TBCK: variants seen among roughly 807,000 people sequenced by gnomAD.
TBCK encodes TBC domain-containing protein kinase-like protein.
A neutral mutation model predicts 113.4 loss-of-function variants in TBCK; 99 were observed. The observed-to-expected ratio is 0.87, with a 90% CI of 0.74 to 1.03. The LOEUF is 1.03. TBCK is among the 50% of genes least tolerant of loss of function. The pLI is 0.00. For synonymous variants in TBCK, 369 were observed against 370.8 expected, an observed-to-expected ratio of 1.00 and a Z score of 0.05; for missense variants, 1,045 against 1,061.3, an observed-to-expected ratio of 0.98 and a Z score of 0.21.
intron 24 of TBCK, among the ~76,000 whole-genome samples, chr4:106,095,882 C>T (rs550714067): frequency 1.3e-5 from 2 of 152,258 alleles, no homozygotes; most frequent in Admixed American, 1.3e-4. Context: ...ACATCAAAAG[C>T]ATCTCTCATT....
chr4:106,260,911 C>T (rs1029430828), intron 4 of TBCK, among the ~76,000 whole-genome samples: 3 of 151,760 alleles, frequency 2.0e-5, no homozygotes, highest in Admixed American at 6.6e-5. Flanking sequence ...GTTGAAAGTC[C>T]ATTTATAGTT....
intron 20 of TBCK, among the ~76,000 whole-genome samples, chr4:106,204,750 G>GTTTTTTT (rs1755258552): frequency 8.6e-6 from 1 of 115,616 alleles, no homozygotes; most frequent in Non-Finnish European, 1.9e-5. Flanking sequence ...GACAAACAAT[G>GTTTTTTT]ATTTTTTTTT....
chr4:106,227,217 T>A (rs1021482927), intron 19 of TBCK, among the ~76,000 whole-genome samples: 2 of 151,882 alleles, frequency 1.3e-5, no homozygotes, highest in African/African-American at 4.8e-5. Flanking sequence ...AATGGATCAT[T>A]ATTTCCATTT....
chr4:106,111,926 G>A (rs2149556945), intron 24 of TBCK, among the ~76,000 whole-genome samples: 1 of 152,160 alleles, frequency 6.6e-6, no homozygotes, highest in Admixed American at 6.5e-5. Context: ...ATCTTAAAAG[G>A]CAATGCTGCC....
chr4:106,309,733 A>G (rs551510055), intron 1 of TBCK, among the ~76,000 whole-genome samples: 1 of 152,320 alleles, frequency 6.6e-6, no homozygotes, highest in South Asian at 2.1e-4. Flanking sequence ...GGACCTTATT[A>G]ATAGTAGTAA....
At chr4:106,222,952 T>C (rs557808324) in intron 19 of TBCK, among the ~76,000 whole-genome samples, 1 of 152,246 alleles carries the variant, frequency 6.6e-6, no homozygotes, top group East Asian at 1.9e-4. Context: ...CCTTCTCACA[T>C]ATCTTGCTCT....
chr4:106,242,556 C>T lies in TBCK; in HGVS notation c.1084G>A (p.Asp362Asn). 1 of 1,599,548 alleles carries T rather than the reference C, an allele frequency of 6.3e-7. No homozygotes were observed. The highest frequency in any genetic ancestry group is 1.3e-5 in the African/African-American group (1 of 74,314). The change falls in exon 12 of 26, where the codon GAT (aspartate) becomes AAT (asparagine). Residue 362 changes from aspartate to asparagine, a missense_variant. Asp to Asn is a conservative substitution (Grantham distance 23). Transcript: ENST00000394708. ...ICTLPNFLFE[D>N]GESFGQGRDR... ...CGACCTTGTCCAAAGCTTTCACCAT[C>T]CTCAAAGAGAAAACTGAAAAGAAAT...
chr4:106,235,279 A>G lies in TBCK; in HGVS notation c.1439T>C (p.Leu480Pro). 2 of 1,600,564 alleles carry G rather than the reference A, an allele frequency of 1.2e-6. No homozygotes were observed. The highest frequency in any genetic ancestry group is 1.1e-5 in the South Asian group (1 of 88,162). ...LMRGLTWAAL[L>P]GVEGAIHAKY... Reference sequence around the variant, plus strand: ...TTCTTTTTTCCTTACCTCAACTCCCAGAAGAGCAGCCCAGGTTAAACCTCT... The same window carrying G: ...TTCTTTTTTCCTTACCTCAACTCCCGGAAGAGCAGCCCAGGTTAAACCTCT... The change falls in exon 15 of 26, where the codon CTG becomes CCG. Residue 480 changes from leucine to proline, a missense_variant. Transcript: ENST00000394708.
intron 22 of TBCK, among the ~76,000 whole-genome samples, chr4:106,189,745 C>A (rs1753454299): frequency 6.6e-6 from 1 of 152,078 alleles, no homozygotes; most frequent in African/African-American, 2.4e-5. Context: ...TTCAAAAATA[C>A]TGAAAAAATA....
At chr4:106,296,779 T>C (rs902037248) in intron 2 of TBCK, among the ~76,000 whole-genome samples, 1 of 150,462 alleles carries the variant, frequency 6.6e-6, no homozygotes, top group Non-Finnish European at 1.5e-5. Flanking sequence ...GAGAGAGAGG[T>C]GAGCAGGAAT....
chr4:106,268,543 T>C (rs1231837639), intron 3 of TBCK, among the ~76,000 whole-genome samples: 3 of 152,112 alleles, frequency 2.0e-5, no homozygotes, highest in Admixed American at 6.6e-5. Flanking sequence ...AGATAGAATG[T>C]ATAATCTTTT....
chr4:106,233,179 A>C, intron 16 of TBCK, 115 bp from the exon 17 acceptor site: 1 of 1,057,630 alleles, frequency 9.5e-7, no homozygotes, highest in Non-Finnish European at 1.3e-6. Context: ...ATTTCAAAAC[A>C]GACCAACTTC....
At chr4:106,106,373 G>T (rs6835216) in intron 24 of TBCK, among the ~76,000 whole-genome samples, 35,171 of 152,008 alleles carry the variant, frequency 0.23, 4,132 homozygotes, top group South Asian at 0.27. Flanking sequence ...AGAGAAAGAA[G>T]GTTAAAGGCA....
upstream of TBCK, chr4:106,316,468 T>C (rs1211185285): frequency 4.3e-6 from 6 of 1,384,608 alleles, no homozygotes; most frequent in Middle Eastern, 1.8e-4. Context: ...GGGTTGAATC[T>C]GTAGAACACT....
intron 19 of TBCK, among the ~76,000 whole-genome samples, chr4:106,225,275 A>C (rs902856575): frequency 1.3e-5 from 2 of 152,216 alleles, no homozygotes; most frequent in African/African-American, 4.8e-5. Context: ...GCTTTAAAGA[A>C]GTTCAAAATT....
chr4:106,149,496 C>T (rs918598781), intron 23 of TBCK, among the ~76,000 whole-genome samples: 1 of 152,156 alleles, frequency 6.6e-6, no homozygotes, highest in East Asian at 1.9e-4. Flanking sequence ...CTTTGTTTCT[C>T]AAGGAATAGG....
chr4:106,113,661 G>A (rs1743127082), intron 24 of TBCK, among the ~76,000 whole-genome samples: 1 of 152,184 alleles, frequency 6.6e-6, no homozygotes, highest in African/African-American at 2.4e-5. Context: ...CCCAGAAAAT[G>A]TGGCTTCCTC....
At chr4:106,118,913 T>C (rs1743904016) in intron 23 of TBCK, among the ~76,000 whole-genome samples, 1 of 152,226 alleles carries the variant, frequency 6.6e-6, no homozygotes, top group African/African-American at 2.4e-5. Context: ...TGTTCTAAAC[T>C]TCTGTGAATG....
intron 3 of TBCK, among the ~76,000 whole-genome samples, chr4:106,263,905 T>C (rs1231026058): frequency 6.6e-6 from 1 of 152,016 alleles, no homozygotes; most frequent in African/African-American, 2.4e-5. Flanking sequence ...ATAATTGACG[T>C]ATTTTCACAA....
Sources: gnomAD v4.1 joint callset for allele counts (sites outside exome capture counted in the v4.1 genomes callset) on GRCh38, gnomAD v4.1.1 for gene constraint, MANE v1.5 for transcripts, NCBI Gene and HGNC (gene_info 2026-07-23, HGNC 2026-07-21) for gene names.